The following TTC17 variants were observed in gnomAD, a reference collection of about 807,000 sequenced individuals.
TTC17 encodes tetratricopeptide repeat protein 17.
Under a neutral mutation model 143.8 loss-of-function variants are expected in TTC17, and 58 were observed. The observed-to-expected ratio is 0.40, with a 90% CI of 0.33 to 0.50. TTC17 has a LOEUF of 0.50. Ranked by LOEUF, TTC17 falls within the 20% of genes least tolerant of loss-of-function variation. The pLI is 0.49. For missense variants in TTC17, 1,273 were observed against 1,392.5 expected, an observed-to-expected ratio of 0.91 and a Z score of 1.37; for synonymous variants, 501 against 497.8, an observed-to-expected ratio of 1.01 and a Z score of -0.09.
intron 1 of TTC17, among the ~76,000 whole-genome samples, chr11:43,365,921 A>G (rs1051677566): frequency 6.6e-6 from 1 of 151,904 alleles, no homozygotes; most frequent in Non-Finnish European, 1.5e-5. Context: ...TACCATATGT[A>G]TGCTGAGAGT....
intron 1 of TTC17, among the ~76,000 whole-genome samples, chr11:43,365,986 CT>C (rs879674198): frequency 0.01 from 1,476 of 143,732 alleles, 10 homozygotes; most frequent in Middle Eastern, 0.022. Flanking sequence ...GATTTAAGAC[CT>C]TTTTTTTTTT....
chr11:43,432,536 AC>A (rs1947182012), intron 16 of TTC17, among the ~76,000 whole-genome samples: 1 of 152,228 alleles, frequency 6.6e-6, no homozygotes. Context: ...GGACCTCGTT[AC>A]CTAAAGCATT....
intron 23 of TTC17, among the ~76,000 whole-genome samples, chr11:43,493,514 T>C (rs1005204678): frequency 6.6e-6 from 1 of 152,184 alleles, no homozygotes; most frequent in African/African-American, 2.4e-5. Flanking sequence ...TAAAAGCTGC[T>C]CTACCCCTTT....
At chr11:43,440,524 C>A (rs1434979648) in intron 16 of TTC17, among the ~76,000 whole-genome samples, 1 of 152,128 alleles carries the variant, frequency 6.6e-6, no homozygotes, top group Admixed American at 6.5e-5. Context: ...TCCTTGTATA[C>A]CTCTTTACCC....
At chr11:43,432,740 C>T (rs1396851030) in intron 16 of TTC17, among the ~76,000 whole-genome samples, 2 of 152,080 alleles carry the variant, frequency 1.3e-5, no homozygotes, top group Non-Finnish European at 2.9e-5. Flanking sequence ...AACATCATTC[C>T]GACCTCTGCC....
intron 6 of TTC17, 122 bp from the exon 7 acceptor site, chr11:43,397,223 AAC>A: frequency 8.9e-7 from 1 of 1,124,212 alleles, no homozygotes; most frequent in Non-Finnish European, 1.2e-6. Context: ...TTAAAAATGA[AAC>A]ACTATGATTA....
At chr11:43,409,515 T>C (rs930520052) in intron 15 of TTC17, among the ~76,000 whole-genome samples, 1 of 152,228 alleles carries the variant, frequency 6.6e-6, no homozygotes, top group Admixed American at 6.5e-5. Context: ...GATTGTTTAC[T>C]AGAGCCAGGC....
At chr11:43,442,495 A>T (rs1007834923) in intron 16 of TTC17, among the ~76,000 whole-genome samples, 2 of 152,236 alleles carry the variant, frequency 1.3e-5, no homozygotes, top group Non-Finnish European at 2.9e-5. Flanking sequence ...ACAGTGTAAC[A>T]TCCAGCCAAT....
intron 16 of TTC17, chr11:43,435,321 C>A (rs1234819869): frequency 6.6e-6 from 1 of 152,130 alleles, no homozygotes; most frequent in African/African-American, 2.4e-5. Context: ...AAAGAGGACA[C>A]CTGTTCAGCT....
At chr11:43,462,921 C>CTTTTGTTTTTTTTTTTTTTTTTTTTTTTT (rs1947896227) in intron 21 of TTC17, among the ~76,000 whole-genome samples, 1 of 117,724 alleles carries the variant, frequency 8.5e-6, no homozygotes, top group African/African-American at 4.0e-5. Context: ...TGACAAAATT[C>CTTTTGTTTTTTTTTTTTTTTTTTTTTTTT]TTTTTTTTTT....
chr11:43,448,359 T>C (rs146502261), intron 19 of TTC17, among the ~76,000 whole-genome samples: 3 of 152,264 alleles, frequency 2.0e-5, no homozygotes, highest in Non-Finnish European at 2.9e-5. Flanking sequence ...CTAGCAGCCA[T>C]GTATAACCTG....
chr11:43,403,701 A>G (rs1251409416), intron 10 of TTC17, among the ~76,000 whole-genome samples: 1 of 152,228 alleles, frequency 6.6e-6, no homozygotes, highest in Non-Finnish European at 1.5e-5. Flanking sequence ...TCAATTAGCT[A>G]ATTATTAACC....
At chr11:43,386,957 C>CTT (rs1408451119) in intron 2 of TTC17, among the ~76,000 whole-genome samples, 1 of 152,020 alleles carries the variant, frequency 6.6e-6, no homozygotes, top group African/African-American at 2.4e-5. Context: ...ACTTGGCTAA[C>CTT]TTTGTTTCAT....
chr11:43,360,316 C>T (rs554609226), intron 1 of TTC17, among the ~76,000 whole-genome samples: 29 of 152,342 alleles, frequency 1.9e-4, no homozygotes, highest in African/African-American at 6.0e-4. Flanking sequence ...TTCTATATGA[C>T]ATACATAAAG....
chr11:43,420,276 A>G (rs1946870937), intron 16 of TTC17, among the ~76,000 whole-genome samples: 1 of 152,228 alleles, frequency 6.6e-6, no homozygotes, highest in Non-Finnish European at 1.5e-5. Flanking sequence ...TCAGCCAATC[A>G]TAAATTATTC....
At chr11:43,391,622 T>C (rs756626184) in intron 4 of TTC17, 46 bp downstream of exon 4, 2 of 1,286,850 alleles carry the variant, frequency 1.6e-6, no homozygotes, top group Non-Finnish European at 2.2e-6. Flanking sequence ...GTTGCGTTCT[T>C]CTTTCAGTTG....
At chr11:43,454,691 C>T (rs934243470) in intron 21 of TTC17, among the ~76,000 whole-genome samples, 2 of 151,866 alleles carry the variant, frequency 1.3e-5, no homozygotes, top group African/African-American at 4.8e-5. Context: ...CCATACCTAA[C>T]AAGGAAAAAC....
At chr11:43,377,547 CA>C (rs1339507551) in intron 1 of TTC17, among the ~76,000 whole-genome samples, 1 of 152,172 alleles carries the variant, frequency 6.6e-6, no homozygotes, top group Non-Finnish European at 1.5e-5. Flanking sequence ...CTTCTGCAGT[CA>C]ACTTTTATCT....
chr11:43,427,988 G>A (rs1346962910), intron 16 of TTC17, among the ~76,000 whole-genome samples: 1 of 151,950 alleles, frequency 6.6e-6, no homozygotes, highest in African/African-American at 2.4e-5. Flanking sequence ...GTGCTTTCTA[G>A]GAAACCCCCC....
Sources: allele counts gnomAD v4.1 joint callset (sites outside exome capture counted in the v4.1 genomes callset), GRCh38; gene constraint gnomAD v4.1.1; transcripts MANE v1.5; gene names NCBI Gene and HGNC (gene_info 2026-07-23, HGNC 2026-07-21).